The following DOCK4 variants were observed in gnomAD, a reference collection of about 807,000 sequenced individuals.
The protein encoded by DOCK4 is dedicator of cytokinesis protein 4.
A neutral mutation model predicts 268.1 loss-of-function variants in DOCK4; 97 were observed. That is an observed-to-expected ratio of 0.36 (90% CI 0.31 to 0.43). The LOEUF is 0.43. Ranked by LOEUF, DOCK4 falls within the 20% of genes least tolerant of loss-of-function variation. The probability of loss-of-function intolerance (pLI) is 1.00; values close to 1 mark genes in which losing one functional copy is unlikely to be tolerated. For missense variants in DOCK4, 2,145 were observed against 2,455.7 expected, an observed-to-expected ratio of 0.87 and a Z score of 2.67; for synonymous variants, 954 against 887.2, an observed-to-expected ratio of 1.08 and a Z score of -1.34.
chr7:111,732,890 A>G (rs867927819), intron 51 of DOCK4, among the ~76,000 whole-genome samples: 3 of 152,154 alleles, frequency 2.0e-5, no homozygotes, highest in Admixed American at 1.3e-4. Context: ...GTGGGTCTCT[A>G]TGGATTTCAT....
chr7:111,856,928 A>C (rs1199168019), intron 23 of DOCK4, among the ~76,000 whole-genome samples: 1 of 152,216 alleles, frequency 6.6e-6, no homozygotes, highest in Non-Finnish European at 1.5e-5. Flanking sequence ...ATGGTCCTGC[A>C]TTATTACTCT....
intron 8 of DOCK4, among the ~76,000 whole-genome samples, chr7:111,965,549 C>A (rs1797302709): frequency 2.3e-5 from 1 of 44,412 alleles, no homozygotes; most frequent in East Asian, 9.8e-4. Flanking sequence ...CACCCAGATT[C>A]ATAAAGCAAG....
At chr7:111,801,878 T>C (rs943384646) in intron 30 of DOCK4, 3 of 149,904 alleles carry the variant, frequency 2.0e-5, no homozygotes, top group Admixed American at 2.0e-4. Context: ...TTTTTTTGTA[T>C]TTTTAGTAGA....
intron 1 of DOCK4, among the ~76,000 whole-genome samples, chr7:112,200,726 A>AAAAAAAAT (rs1820839959): frequency 2.5e-4 from 4 of 16,322 alleles, no homozygotes; most frequent in Admixed American, 2.4e-3. Flanking sequence ...CCTCTAAAAT[A>AAAAAAAAT]AAAAAAAAAA....
chr7:111,758,825 G>A, intron 40 of DOCK4, 35 bp from the exon 41 acceptor site: 2 of 1,607,000 alleles, frequency 1.2e-6, no homozygotes, highest in Non-Finnish European at 1.7e-6. Context: ...AACCTGACTT[G>A]GCAAACTCCA....
chr7:111,854,680 C>T (rs917232543), intron 23 of DOCK4, among the ~76,000 whole-genome samples: 1 of 152,186 alleles, frequency 6.6e-6, no homozygotes, highest in Non-Finnish European at 1.5e-5. Context: ...CCGCACCCAG[C>T]TATTCAGTAG....
chr7:111,872,142 CTTTT>C, intron 19 of DOCK4, 52 bp from the exon 20 acceptor site: 1 of 1,214,556 alleles, frequency 8.2e-7, no homozygotes, highest in South Asian at 1.7e-5. Flanking sequence ...CAAGGTTTTC[CTTTT>C]TTTTTTGCTT....
At chr7:112,026,391 T>G (rs1802787174) in intron 1 of DOCK4, among the ~76,000 whole-genome samples, 1 of 152,184 alleles carries the variant, frequency 6.6e-6, no homozygotes, top group Non-Finnish European at 1.5e-5. Context: ...CAGTTCATCC[T>G]GAAACATCCC....
chr7:112,006,212 C>A (rs1268231406), intron 1 of DOCK4, among the ~76,000 whole-genome samples: 1 of 152,216 alleles, frequency 6.6e-6, no homozygotes, highest in African/African-American at 2.4e-5. Flanking sequence ...AGAATCTCCA[C>A]ATCCTCACTG....
At chr7:112,095,819 C>T (rs2135784197) in intron 1 of DOCK4, among the ~76,000 whole-genome samples, 1 of 152,250 alleles carries the variant, frequency 6.6e-6, no homozygotes, top group East Asian at 1.9e-4. Flanking sequence ...TGGTGGCTCA[C>T]ACCTGCAATC....
chr7:112,007,487 G>A (rs1455767242), intron 1 of DOCK4, among the ~76,000 whole-genome samples: 2 of 152,100 alleles, frequency 1.3e-5, no homozygotes, highest in Non-Finnish European at 2.9e-5. Flanking sequence ...TATAGTTCAA[G>A]GAATGACTTT....
intron 30 of DOCK4, among the ~76,000 whole-genome samples, chr7:111,801,162 C>A (rs1261397564): frequency 6.6e-6 from 1 of 152,124 alleles, no homozygotes; most frequent in Admixed American, 6.5e-5. Flanking sequence ...AACATCATGG[C>A]GACCCACATT....
At chr7:111,956,696 T>C (rs1032626246) in intron 8 of DOCK4, among the ~76,000 whole-genome samples, 1 of 152,190 alleles carries the variant, frequency 6.6e-6, no homozygotes, top group African/African-American at 2.4e-5. Flanking sequence ...TCTTGCAACA[T>C]GTGGATTCAG....
intron 10 of DOCK4, among the ~76,000 whole-genome samples, chr7:111,942,810 G>C (rs1269228921): frequency 1.3e-5 from 2 of 152,140 alleles, no homozygotes; most frequent in Admixed American, 6.5e-5. Context: ...GAGCAGTAGG[G>C]GCTACCTGCG....
intron 1 of DOCK4, among the ~76,000 whole-genome samples, chr7:112,171,790 C>T (rs1025645684): frequency 1.3e-5 from 2 of 152,216 alleles, no homozygotes; most frequent in Non-Finnish European, 2.9e-5. Context: ...GCTGCCATAA[C>T]AAAATACCAG....
Position 111,834,642 on chromosome 7 carries a change from T to C in DOCK4, c.2781A>G (p.Thr927=). Residue 927 remains threonine (T), a synonymous_variant, in exon 26 of 53, where the codon ACA becomes ACG. Coordinates refer to ENST00000428084, the MANE Select transcript of DOCK4 (RefSeq NM_001363540.2). Reference sequence around the variant, plus strand: ...CAAGAAGCTGTTGATAATGTCTATCTGTCATTTGTCGTAATAGGGACAGGA... The same window carrying C: ...CAAGAAGCTGTTGATAATGTCTATCCGTCATTTGTCGTAATAGGGACAGGA... ...ACLLSLLRQM[T]DRHYQQLLDS... The C allele has an allele frequency of 6.4e-7, 1 of 1,557,546 alleles. No homozygotes were observed. Among genetic ancestry groups the C allele is most frequent in the Non-Finnish European group, 8.7e-7 (1 of 1,150,096 alleles).
intron 51 of DOCK4, among the ~76,000 whole-genome samples, chr7:111,733,114 C>T (rs1301083085): frequency 2.0e-5 from 3 of 152,186 alleles, no homozygotes; most frequent in African/African-American, 7.2e-5. Context: ...AGAGACGTTT[C>T]GGTGAACTCT....
intron 1 of DOCK4, among the ~76,000 whole-genome samples, chr7:112,019,607 T>C (rs1002157457): frequency 7.9e-5 from 12 of 152,172 alleles, no homozygotes; most frequent in African/African-American, 2.9e-4. Flanking sequence ...CCCAAAGTTA[T>C]ATGCTTAAAA....
chr7:111,737,945 G>A (rs537169317), intron 49 of DOCK4, among the ~76,000 whole-genome samples: 13 of 152,158 alleles, frequency 8.5e-5, no homozygotes, highest in South Asian at 2.1e-4. Flanking sequence ...TGGGACTTTC[G>A]GGAGGATCAC....
Sources: gnomAD v4.1 joint callset for allele counts (sites outside exome capture counted in the v4.1 genomes callset) on GRCh38, gnomAD v4.1.1 for gene constraint, MANE v1.5 for transcripts, NCBI Gene and HGNC (gene_info 2026-07-23, HGNC 2026-07-21) for gene names.